Variants in LSAMP observed in about 807,000 individuals in gnomAD.
LSAMP encodes the protein limbic system-associated membrane protein.
A neutral mutation model predicts 38.6 loss-of-function variants in LSAMP; 7 were observed. That is an observed-to-expected ratio of 0.18 (90% CI 0.10 to 0.34). LSAMP has a LOEUF of 0.34. Ranked by LOEUF, LSAMP falls within the 10% of genes least tolerant of loss-of-function variation. LSAMP has a pLI of 1.00. For synonymous variants in LSAMP, 154 were observed against 166.8 expected (o/e 0.92, Z 0.59); for missense variants, 313 against 420.0 (o/e 0.75, Z 2.23).
chr3:116,020,986 G>A (rs1176072808), intron 2 of LSAMP, among the ~76,000 whole-genome samples: 6 of 152,080 alleles, frequency 3.9e-5, no homozygotes, highest in African/African-American at 9.7e-5. Flanking sequence ...ACAGCCAAAC[G>A]ATCCCTGCAA....
chr3:116,000,179 T>C (rs1050782395), intron 3 of LSAMP, among the ~76,000 whole-genome samples: 1 of 152,190 alleles, frequency 6.6e-6, no homozygotes, highest in Non-Finnish European at 1.5e-5. Context: ...CTCTTTGTTT[T>C]CCTGCACCAA....
At chr3:116,225,415 A>T (rs145678487) in intron 1 of LSAMP, among the ~76,000 whole-genome samples, 153 of 152,302 alleles carry the variant, frequency 1.0e-3, no homozygotes, top group African/African-American at 3.6e-3. Context: ...GAGGGAGCAC[A>T]TCATTGCCAC....
At chr3:115,837,640 G>C (rs1311301564) in intron 6 of LSAMP, among the ~76,000 whole-genome samples, 2 of 152,072 alleles carry the variant, frequency 1.3e-5, no homozygotes, top group Admixed American at 6.6e-5. Flanking sequence ...ACAGTGGAAA[G>C]GCCTCGTTGA....
At chr3:115,883,048 G>A (rs1936362462) in intron 3 of LSAMP, among the ~76,000 whole-genome samples, 1 of 152,028 alleles carries the variant, frequency 6.6e-6, no homozygotes, top group Non-Finnish European at 1.5e-5. Context: ...CAGAGAGAAT[G>A]AAGCAGATAG....
chr3:116,138,567 A>G (rs1709301744), intron 1 of LSAMP, among the ~76,000 whole-genome samples: 1 of 152,022 alleles, frequency 6.6e-6, no homozygotes, highest in African/African-American at 2.4e-5. Context: ...TGCCATGGCA[A>G]TACAACTTTT....
intron 1 of LSAMP, among the ~76,000 whole-genome samples, chr3:116,399,577 T>C (rs2048811929): frequency 6.6e-6 from 1 of 152,170 alleles, no homozygotes; most frequent in Non-Finnish European, 1.5e-5. Flanking sequence ...ATAGAGAAAT[T>C]TCTGTTGACT....
intron 3 of LSAMP, among the ~76,000 whole-genome samples, chr3:115,853,844 C>T (rs1325950308): frequency 6.6e-6 from 1 of 152,192 alleles, no homozygotes; most frequent in South Asian, 2.1e-4. Flanking sequence ...AATCACGATG[C>T]TCCTGGTCAT....
intron 3 of LSAMP, among the ~76,000 whole-genome samples, chr3:115,947,540 G>A (rs980981532): frequency 2.6e-5 from 4 of 152,188 alleles, no homozygotes; most frequent in Admixed American, 2.6e-4. Context: ...CTGACCACAA[G>A]AGAGGCATTT....
chr3:116,297,420 A>T (rs920317421), intron 1 of LSAMP, among the ~76,000 whole-genome samples: 1 of 152,190 alleles, frequency 6.6e-6, no homozygotes, highest in African/African-American at 2.4e-5. Flanking sequence ...TCTAAAGAAA[A>T]TACTGTATGA....
At chr3:116,275,063 T>TAAATA (rs1490184692) in intron 1 of LSAMP, among the ~76,000 whole-genome samples, 1 of 151,078 alleles carries the variant, frequency 6.6e-6, no homozygotes, top group African/African-American at 2.4e-5. Flanking sequence ...AATAAATAAA[T>TAAATA]AAATAAATAA....
chr3:116,379,611 A>G (rs1273583443), intron 1 of LSAMP, among the ~76,000 whole-genome samples: 1 of 152,042 alleles, frequency 6.6e-6, no homozygotes, highest in Non-Finnish European at 1.5e-5. Context: ...GGCAGTTGGA[A>G]TAGAAATAAC....
chr3:115,999,820 G>A lies in LSAMP; in HGVS notation c.514+19695C>T, dbSNP rs1034322004. Reference sequence around the variant, plus strand: ...GGAAAAAGCTGAATGCCTTTCCTAGGACTGGGTGTGAAACTGCTCCTCTCA... The same window carrying A: ...GGAAAAAGCTGAATGCCTTTCCTAGAACTGGGTGTGAAACTGCTCCTCTCA... On this transcript the variant is annotated intron_variant, in intron 3 of 6. Coordinates refer to ENST00000490035, the MANE Select transcript of LSAMP (RefSeq NM_002338.5). 5.9e-5 allele frequency among the ~76,000 whole-genome samples: 9 copies of A among 152,168 alleles called. 1 individual carries two copies. Among genetic ancestry groups the A allele is most frequent in the Admixed American group, 2.6e-4 (4 of 15,272 alleles).
intron 1 of LSAMP, among the ~76,000 whole-genome samples, chr3:116,351,015 T>C (rs1374633640): frequency 6.6e-6 from 1 of 152,048 alleles, no homozygotes; most frequent in Non-Finnish European, 1.5e-5. Context: ...GAGGGATGAC[T>C]ATACCCATTT....
chr3:115,802,560 C>T lies in LSAMP; in HGVS notation c.*7757G>A, dbSNP rs1933539659. 6.7e-6 allele frequency: 1 copy of T among 148,532 alleles called. No homozygotes were observed. The highest frequency in any genetic ancestry group is 1.5e-5 in the Non-Finnish European group (1 of 67,462). 9.2% of individuals were successfully genotyped at this position (148,532 alleles called of 1,614,324 possible). On this transcript the variant is annotated 3_prime_UTR_variant, in exon 7 of 7. Coordinates refer to ENST00000490035, the MANE Select transcript of LSAMP (RefSeq NM_002338.5). ...TTTTAACACACATTGCGCTTTTTATCTCCTTCACAGAGCTAGTACCCAGGG... is the reference window on the plus strand; with the variant it reads ...TTTTAACACACATTGCGCTTTTTATTTCCTTCACAGAGCTAGTACCCAGGG...
intron 1 of LSAMP, among the ~76,000 whole-genome samples, chr3:116,266,431 C>G (rs2046892952): frequency 6.6e-6 from 1 of 152,130 alleles, no homozygotes; most frequent in Non-Finnish European, 1.5e-5. Context: ...CAGAATCACT[C>G]AGAGGAAACA....
At chr3:115,936,837 AAG>A (rs1937719549) in intron 3 of LSAMP, among the ~76,000 whole-genome samples, 1 of 152,178 alleles carries the variant, frequency 6.6e-6, no homozygotes, top group Non-Finnish European at 1.5e-5. Context: ...CAGCAAAAGT[AAG>A]AGAATTCTGA....
chr3:116,047,103 T>C (rs1218701072), intron 2 of LSAMP, among the ~76,000 whole-genome samples: 1 of 152,192 alleles, frequency 6.6e-6, no homozygotes, highest in Non-Finnish European at 1.5e-5. Context: ...ATTTTGGTTA[T>C]ACAAGTCAGA....
intron 1 of LSAMP, among the ~76,000 whole-genome samples, chr3:116,305,798 C>T (rs1006375272): frequency 6.6e-6 from 1 of 151,740 alleles, no homozygotes; most frequent in Non-Finnish European, 1.5e-5. Flanking sequence ...AAGGACTTTC[C>T]AAGAGAAACC....
At chr3:116,280,277 G>GT in intron 1 of LSAMP, among the ~76,000 whole-genome samples, 1 of 152,304 alleles carries the variant, frequency 6.6e-6, no homozygotes, top group South Asian at 2.1e-4. Flanking sequence ...TTTCACTACA[G>GT]AGATGAAGAC....
Sources: gnomAD v4.1 joint callset for allele counts (sites outside exome capture counted in the v4.1 genomes callset) on GRCh38, gnomAD v4.1.1 for gene constraint, MANE v1.5 for transcripts, NCBI Gene and HGNC (gene_info 2026-07-23, HGNC 2026-07-21) for gene names.